Variants in MYH9 observed in about 807,000 individuals in gnomAD.
MYH9 encodes myosin-9.
Under a neutral mutation model 241.9 loss-of-function variants are expected in MYH9, and 29 were observed. That is an observed-to-expected ratio of 0.12 (90% CI 0.09 to 0.16). The LOEUF is 0.16. MYH9 is among the 10% of genes least tolerant of loss of function. The pLI is 1.00. For missense variants in MYH9, 1,803 were observed against 2,595.5 expected, an observed-to-expected ratio of 0.69 and a Z score of 6.63; for synonymous variants, 1,047 against 1,062.6, an observed-to-expected ratio of 0.99 and a Z score of 0.29.
intron 1 of MYH9, among the ~76,000 whole-genome samples, chr22:36,362,753 G>A (rs1213840738): frequency 6.6e-6 from 1 of 152,164 alleles, no homozygotes; most frequent in Non-Finnish European, 1.5e-5. Flanking sequence ...TGGGATTACA[G>A]GCATGAGCCA....
rs370156367 is a variant in MYH9 at position 36,304,045 on chromosome 22, G to A, written c.2340C>T (p.Thr780=). The part of the protein sequence containing the change: ...HLEEERDLKI[T]DVIIGFQACC... ...AGGCCTGGAACCCTATGATGACGTC[G>A]GTGATCTTCAGGTCTCGCTCCTCCT... Residue 780 remains threonine, a synonymous_variant, in exon 19 of 41, where the codon ACC becomes ACT. Transcript: ENST00000216181. 18 of 1,613,674 alleles carry A rather than the reference G, an allele frequency of 1.1e-5. No individual in the cohort carries two copies. Among genetic ancestry groups the A allele is most frequent in the South Asian group, 4.4e-5 (4 of 91,092 alleles).
intron 15 of MYH9, chr22:36,308,835 G>A (rs925415019): frequency 5.1e-6 from 5 of 985,302 alleles, no homozygotes; most frequent in African/African-American, 3.5e-5. Flanking sequence ...ATAGGAAAGC[G>A]ATGATAGAAA....
At chr22:36,364,793 G>A (rs9610495) in intron 1 of MYH9, 58,774 of 152,044 alleles carry the variant, frequency 0.39, 14,103 homozygotes, top group Non-Finnish European at 0.54. Flanking sequence ...TTCACAGAAG[G>A]CATCTGAGGA....
rs2017112052 is a variant in MYH9 at position 36,314,112 on chromosome 22, C to A, written c.1554+33G>T. ...TGCCCCGGAAGGGAAAAGCCAGAGG[C>A]AGGTGTGAGGTCAAAGCAAGCCTGG... On this transcript the variant is annotated intron_variant, in intron 13 of 40. Transcript: ENST00000216181. The A allele has an allele frequency of 2.5e-6, 4 of 1,605,506 alleles. No individual in the cohort carries two copies. The Admixed American group carries it at 5.0e-5, about 20-fold the overall frequency.
At chr22:36,361,549 A>G (rs931928745) in intron 1 of MYH9, among the ~76,000 whole-genome samples, 1 of 152,214 alleles carries the variant, frequency 6.6e-6, no homozygotes, top group African/African-American at 2.4e-5. Context: ...TTGTCAACTT[A>G]AAAATTAAAT....
chr22:36,356,724 A>G (rs957009239), intron 1 of MYH9, among the ~76,000 whole-genome samples: 1 of 152,248 alleles, frequency 6.6e-6, no homozygotes, highest in Non-Finnish European at 1.5e-5. Flanking sequence ...ACAAAGGCAT[A>G]AAGATCCCAG....
chr22:36,328,058 C>A (rs1251512960), intron 3 of MYH9, among the ~76,000 whole-genome samples: 1 of 152,222 alleles, frequency 6.6e-6, no homozygotes, highest in African/African-American at 2.4e-5. Flanking sequence ...CCCTCCTCCG[C>A]AGCGTGGGAT....
rs1179926547 is a variant in MYH9, at chr22:36,288,762, G to C, written c.4735C>G (p.Gln1579Glu). The change falls in exon 33 of 41, where the codon CAG becomes GAG. Residue 1579 changes from glutamine (Q) to glutamate (E), a missense_variant. Physicochemically the swap from Gln to Glu is conservative, Grantham distance 29 (BLOSUM62 2). Coordinates refer to ENST00000216181, the MANE Select transcript of MYH9 (RefSeq NM_002473.6). The surrounding 1 kb of genome is among the most constrained non-coding windows in gnomAD (Gnocchi z 4.8). ...FERDLQGRDE[Q>E]SEEKKKQLVR... ...AGCTGCTTCTTCTTCTCCTCGCTCT[G>C]CTCGTCCCGGCCCTGCAGGTCCCGC... 6.2e-7 allele frequency: 1 copy of C among 1,608,362 alleles called. No individual in the cohort carries two copies. Among genetic ancestry groups the C allele is most frequent in the Non-Finnish European group, 8.5e-7 (1 of 1,179,988 alleles).
At position 36,295,930 on chromosome 22, in the gene MYH9, CG is replaced by C. The variant is rs1321934886; in HGVS notation, c.3273-214del. 6.6e-6 allele frequency among the ~76,000 whole-genome samples: 1 copy of C among 152,160 alleles called. No homozygotes were observed. The highest frequency in any genetic ancestry group is 2.4e-5 in the African/African-American group (1 of 41,438). ...GAAGCAGAAAACCTCATAGAGGAAT[CG>C]TTTCAATTTCCAAAGTAAGATTCAC... is the stretch of plus-strand genomic sequence containing the variant. On this transcript the variant is annotated intron_variant, in intron 25 of 40. Coordinates refer to ENST00000216181, the MANE Select transcript of MYH9 (RefSeq NM_002473.6). This position sits in a 1 kb window ranked among gnomAD's most constrained non-coding sequence, Gnocchi z 4.1.
intron 1 of MYH9, among the ~76,000 whole-genome samples, chr22:36,365,941 C>T (rs572812597): frequency 2.0e-5 from 3 of 152,146 alleles, no homozygotes; most frequent in Admixed American, 1.3e-4. Context: ...ATAATCCAGG[C>T]GCTTTGGGAG....
At chr22:36,341,614 A>G in intron 2 of MYH9, 88 bp from the exon 3 acceptor site, 1 of 1,485,068 alleles carries the variant, frequency 6.7e-7, no homozygotes, top group Non-Finnish European at 9.2e-7. Flanking sequence ...CTGCGGCTTC[A>G]AAGGACCCCT....
intron 24 of MYH9, among the ~76,000 whole-genome samples, chr22:36,298,119 CT>C: frequency 6.6e-6 from 1 of 152,268 alleles, no homozygotes; most frequent in East Asian, 1.9e-4. Flanking sequence ...ACCTCATCCC[CT>C]GCAGATGTGA....
chr22:36,363,599 C>T (rs1442586044), intron 1 of MYH9, among the ~76,000 whole-genome samples: 1 of 152,202 alleles, frequency 6.6e-6, no homozygotes, highest in East Asian at 1.9e-4. Flanking sequence ...CTTGGCTTTG[C>T]TTTTAATTGG....
chr22:36,299,467 G>T (rs546870624), intron 23 of MYH9, among the ~76,000 whole-genome samples: 2 of 152,160 alleles, frequency 1.3e-5, no homozygotes, highest in African/African-American at 4.8e-5. Context: ...GCGGTGCCCC[G>T]GGCTGCTCTC....
chr22:36,288,665 GA>G lies in MYH9; in HGVS notation c.4770+61del. 1.3e-6 allele frequency: 2 copies of G among 1,579,056 alleles called. No individual in the cohort carries two copies. The highest frequency in any genetic ancestry group is 1.7e-6 in the Non-Finnish European group (2 of 1,162,012). Reference sequence around the variant, plus strand: ...ACAATCCAGGTGGAAGGAGAGAACAGAAGCCTGCGTGAAGCCAAGGCAGCCT... The same window carrying G: ...ACAATCCAGGTGGAAGGAGAGAACAGAGCCTGCGTGAAGCCAAGGCAGCCT... On this transcript the variant is annotated intron_variant, in intron 33 of 40. Transcript: ENST00000216181. This position sits in a 1 kb window ranked among gnomAD's most constrained non-coding sequence, Gnocchi z 4.8.
intron 1 of MYH9, among the ~76,000 whole-genome samples, chr22:36,375,288 G>A (rs183880308): frequency 2.6e-5 from 4 of 152,336 alleles, no homozygotes; most frequent in Admixed American, 1.3e-4. Flanking sequence ...AGGCACAGCA[G>A]TGCCTGGATT....
At chr22:36,354,622 T>G (rs911956250) in intron 1 of MYH9, among the ~76,000 whole-genome samples, 2 of 151,452 alleles carry the variant, frequency 1.3e-5, no homozygotes, top group African/African-American at 4.9e-5. Flanking sequence ...TTTTGTAGTT[T>G]TAGTAGAAAT....
chr22:36,368,697 A>C (rs966059271), intron 1 of MYH9, among the ~76,000 whole-genome samples: 3 of 151,710 alleles, frequency 2.0e-5, no homozygotes, highest in Admixed American at 2.0e-4. Context: ...CCCCACCCTT[A>C]CCCCTCCCAG....
chr22:36,342,779 G>A (rs2017610554), intron 2 of MYH9, among the ~76,000 whole-genome samples: 1 of 152,204 alleles, frequency 6.6e-6, no homozygotes, highest in South Asian at 2.1e-4. Context: ...GAGGGGCCTG[G>A]CGAAGTGAAG....
Sources: allele counts gnomAD v4.1 joint callset (sites outside exome capture counted in the v4.1 genomes callset), GRCh38; gene constraint gnomAD v4.1.1; non-coding constraint Gnocchi (gnomAD v3.1); transcripts MANE v1.5; gene names NCBI Gene and HGNC (gene_info 2026-07-23, HGNC 2026-07-21).